Variants in FAM24B observed in about 807,000 individuals in gnomAD.
FAM24B encodes the protein family with sequence similarity 24 member B, also known as protein FAM24B.
A neutral mutation model predicts 2.3 loss-of-function variants in FAM24B; 3 were observed. That is an observed-to-expected ratio of 1.29 (90% CI 0.59 to 3.32). FAM24B has a LOEUF of 3.32. Among genes scored for constraint, FAM24B ranks in the 30% most tolerant of loss-of-function variants. The pLI, the probability that FAM24B is intolerant of heterozygous loss-of-function variation, is 0.03. For missense variants in FAM24B, 98 were observed against 117.2 expected, an observed-to-expected ratio of 0.84 and a Z score of 0.76; for synonymous variants, 36 against 46.3, an observed-to-expected ratio of 0.78 and a Z score of 0.90.
chr10:122,858,078 A>G (rs1027879340), intron 1 of FAM24B, among the ~76,000 whole-genome samples: 1 of 152,232 alleles, frequency 6.6e-6, no homozygotes, highest in African/African-American at 2.4e-5. Context: ...ATTATAAATC[A>G]TGCTGCTATA....
At chr10:122,850,586 G>T in intron 2 of FAM24B, 36 bp from the exon 3 acceptor site, 1 of 1,072,898 alleles carries the variant, frequency 9.3e-7, no homozygotes, top group Non-Finnish European at 1.5e-6. Context: ...CTGAGCCCAC[G>T]TGGTCTCCCT....
At chr10:122,871,891 GT>G (rs1490543718) in intron 1 of FAM24B, among the ~76,000 whole-genome samples, 1 of 152,196 alleles carries the variant, frequency 6.6e-6, no homozygotes, top group Non-Finnish European at 1.5e-5. Flanking sequence ...AGGACTTCAT[GT>G]CTAAAACACC....
chr10:122,875,036 T>G (rs1288547971), intron 1 of FAM24B, among the ~76,000 whole-genome samples: 1 of 152,242 alleles, frequency 6.6e-6, no homozygotes, highest in African/African-American at 2.4e-5. Context: ...CACATATTTC[T>G]TCTACTCTCT....
At chr10:122,867,585 A>C (rs1847822002) in intron 1 of FAM24B, among the ~76,000 whole-genome samples, 1 of 152,148 alleles carries the variant, frequency 6.6e-6, no homozygotes, top group Non-Finnish European at 1.5e-5. Context: ...TACTCCTCTG[A>C]GACAAAACAT....
chr10:122,859,789 T>A (rs1847698564), intron 1 of FAM24B, among the ~76,000 whole-genome samples: 1 of 152,070 alleles, frequency 6.6e-6, no homozygotes, highest in South Asian at 2.1e-4. Context: ...TCCCACCAAT[T>A]CCCTGGAGAG....
chr10:122,862,263 T>C (rs1052026034), intron 1 of FAM24B, among the ~76,000 whole-genome samples: 1 of 152,246 alleles, frequency 6.6e-6, no homozygotes, highest in Admixed American at 6.5e-5. Flanking sequence ...AATTAGATTC[T>C]AAACAGCAAT....
intron 2 of FAM24B, among the ~76,000 whole-genome samples, chr10:122,853,164 A>G (rs1053340265): frequency 1.2e-4 from 18 of 152,172 alleles, no homozygotes; most frequent in African/African-American, 4.3e-4. Flanking sequence ...GTACTTAGGA[A>G]GAATAAGAAA....
At chr10:122,866,139 T>C (rs1003694626) in intron 1 of FAM24B, among the ~76,000 whole-genome samples, 6 of 152,084 alleles carry the variant, frequency 3.9e-5, no homozygotes, top group African/African-American at 1.4e-4. Context: ...TGACCTCAGG[T>C]CACCTGCCCA....
At position 122,866,296 on chromosome 10, in the gene FAM24B, G is replaced by C. The variant is rs543064307; in HGVS notation, c.-177-10510C>G. Among the ~76,000 whole-genome samples, 88 of 152,114 alleles carry C rather than the reference G, an allele frequency of 5.8e-4. No homozygotes were observed. In the South Asian group the frequency reaches 0.018, roughly 31 times the overall value. On this transcript the variant is annotated intron_variant, in intron 1 of 3. Transcript: ENST00000368898. ...ATTTGTGTCTTTTTTAGTCTGACCA[G>C]AGGCCTATCAACTTTATCTATCTTT...
rs556202405 is a variant in FAM24B, at chr10:122,870,451, T to C, written c.-178+9034A>G. Among the ~76,000 whole-genome samples the C allele has an allele frequency of 6.4e-3, 975 of 152,200 alleles. 8 individuals carry two copies. The highest frequency in any genetic ancestry group is 0.016 in the African/African-American group (663 of 41,516). ...ACTCATTTTATGAGGCCAGCATCAT[T>C]CTGATACCAAAGCCCGGCAGAGACA... On this transcript the variant is annotated intron_variant, in intron 1 of 3. Transcript: ENST00000368898.
At chr10:122,872,438 A>G (rs575701580) in intron 1 of FAM24B, among the ~76,000 whole-genome samples, 5 of 152,262 alleles carry the variant, frequency 3.3e-5, no homozygotes, top group Non-Finnish European at 5.9e-5. Context: ...ATTACTGGGT[A>G]TATGCCCAAA....
intron 1 of FAM24B, among the ~76,000 whole-genome samples, chr10:122,873,131 T>C (rs1187291774): frequency 1.3e-5 from 2 of 152,124 alleles, no homozygotes; most frequent in East Asian, 1.9e-4. Flanking sequence ...ATTTTCAGTA[T>C]AGATGAAAAC....
chr10:122,852,137 A>G (rs1377874950), intron 2 of FAM24B, among the ~76,000 whole-genome samples: 1 of 152,214 alleles, frequency 6.6e-6, no homozygotes, highest in Admixed American at 6.5e-5. Flanking sequence ...CATCATTCCC[A>G]TCCTCACAAC....
chr10:122,849,840 C>T (rs1282650919), intron 3 of FAM24B, among the ~76,000 whole-genome samples: 1 of 152,044 alleles, frequency 6.6e-6, no homozygotes, highest in African/African-American at 2.4e-5. Flanking sequence ...GGTCTTCTCC[C>T]CAAAATGCAA....
intron 1 of FAM24B, among the ~76,000 whole-genome samples, chr10:122,861,479 CTT>C (rs1161112556): frequency 2.0e-5 from 3 of 152,172 alleles, no homozygotes; most frequent in African/African-American, 7.2e-5. Context: ...TTAGAATAAA[CTT>C]GTAGCTATCT....
At chr10:122,854,413 C>T (rs972977781) in intron 2 of FAM24B, among the ~76,000 whole-genome samples, 5 of 152,134 alleles carry the variant, frequency 3.3e-5, no homozygotes, top group African/African-American at 1.2e-4. Flanking sequence ...TAATCCTTCC[C>T]TCCATCTCCT....
At chr10:122,876,227 TTC>T (rs1217762505) in intron 1 of FAM24B, among the ~76,000 whole-genome samples, 1 of 152,202 alleles carries the variant, frequency 6.6e-6, no homozygotes, top group East Asian at 1.9e-4. Flanking sequence ...CTTGGTCGAA[TTC>T]TTTCTTCTGA....
At chr10:122,850,724 G>A in intron 2 of FAM24B, 174 bp from the exon 3 acceptor site, 5 of 478,706 alleles carry the variant, frequency 1.0e-5, no homozygotes, top group South Asian at 3.6e-5. Context: ...GCCCAGAGAT[G>A]GAAAAAAAGA....
At chr10:122,867,354 C>T (rs923353791) in intron 1 of FAM24B, among the ~76,000 whole-genome samples, 1 of 152,242 alleles carries the variant, frequency 6.6e-6, no homozygotes, top group African/African-American at 2.4e-5. Flanking sequence ...CTGTAGGCTC[C>T]ACCTCTGGGG....
Sources: gnomAD v4.1 joint callset for allele counts (sites outside exome capture counted in the v4.1 genomes callset) on GRCh38, gnomAD v4.1.1 for gene constraint, MANE v1.5 for transcripts, NCBI Gene and HGNC (gene_info 2026-07-23, HGNC 2026-07-21) for gene names.